Variants in FMN2 observed in about 807,000 individuals in gnomAD.
FMN2 encodes formin-2.
In FMN2, 51 loss-of-function variants were observed where a neutral mutation model predicts 142.3. That is an observed-to-expected ratio of 0.36 (90% confidence interval 0.29 to 0.45). The LOEUF is 0.45. Ranked by LOEUF, FMN2 falls within the 20% of genes least tolerant of loss-of-function variation. The pLI is 1.00. For missense variants in FMN2, 1,936 were observed against 2,122.8 expected (o/e 0.91, Z 1.73); for synonymous variants, 882 against 869.8 (o/e 1.01, Z -0.25).
At chr1:240,113,072 C>T (rs1226755170) in intron 1 of FMN2, among the ~76,000 whole-genome samples, 3 of 152,146 alleles carry the variant, frequency 2.0e-5, no homozygotes, top group Non-Finnish European at 4.4e-5. Flanking sequence ...TAAAATTACT[C>T]TAGGGCCAAT....
At chr1:240,337,228 T>TTTTTA (rs1671597177) in intron 13 of FMN2, among the ~76,000 whole-genome samples, 7 of 134,410 alleles carry the variant, frequency 5.2e-5, no homozygotes, top group Admixed American at 3.8e-4. Context: ...TTTTTTTTTT[T>TTTTTA]AAGACAGTCT....
intron 14 of FMN2, among the ~76,000 whole-genome samples, chr1:240,364,316 A>G (rs1572233736): frequency 6.6e-6 from 1 of 152,200 alleles, no homozygotes; most frequent in Admixed American, 6.5e-5. Context: ...GGTAGAAACC[A>G]TAAATACAGA....
At chr1:240,257,893 C>A in intron 6 of FMN2, 52 bp from the exon 7 acceptor site, 1 of 1,423,138 alleles carries the variant, frequency 7.0e-7, no homozygotes, top group Non-Finnish European at 9.9e-7. Flanking sequence ...TGCTAGTAAG[C>A]ATATTGGAGT....
At chr1:240,214,550 CAAAA>C (rs35698298) in intron 6 of FMN2, among the ~76,000 whole-genome samples, 8 of 122,198 alleles carry the variant, frequency 6.5e-5, no homozygotes, top group African/African-American at 1.2e-4. Flanking sequence ...GACTCCATCT[CAAAA>C]AAAAAAAAAA....
chr1:240,366,451 T>G (rs1672671667), intron 14 of FMN2, among the ~76,000 whole-genome samples: 1 of 152,220 alleles, frequency 6.6e-6, no homozygotes, highest in Non-Finnish European at 1.5e-5. Context: ...TGAAATTCTT[T>G]CATGTTTTTG....
chr1:240,203,316 C>T (rs1477328250), intron 4 of FMN2, among the ~76,000 whole-genome samples: 3 of 152,124 alleles, frequency 2.0e-5, no homozygotes, highest in African/African-American at 7.2e-5. Flanking sequence ...TGGATATGTA[C>T]CCAAAGGAGT....
chr1:240,298,458 C>A lies in FMN2; in HGVS notation c.4215+3575C>A, dbSNP rs549322293. ...GTATTTGGAACAGTTCTTCCCTAAA[C>A]GTCCTGTATATCAGGGGTCCTCAAC... On this transcript the variant is annotated intron_variant, in intron 8 of 17. Coordinates refer to ENST00000319653, the MANE Select transcript of FMN2 (RefSeq NM_020066.5). 2.6e-5 allele frequency among the ~76,000 whole-genome samples: 4 copies of A among 152,316 alleles called. 1 individual carries two copies. The South Asian group carries it at 8.3e-4, about 32-fold the overall frequency.
chr1:240,325,215 G>T (rs1671123588), intron 8 of FMN2, among the ~76,000 whole-genome samples: 1 of 151,796 alleles, frequency 6.6e-6, no homozygotes, highest in African/African-American at 2.4e-5. Flanking sequence ...AAACTTAGCT[G>T]GAGGGTAGTC....
At chr1:240,323,130 T>A (rs963714114) in intron 8 of FMN2, among the ~76,000 whole-genome samples, 4 of 151,002 alleles carry the variant, frequency 2.6e-5, no homozygotes, top group African/African-American at 7.3e-5. Flanking sequence ...TTTCTTTCCT[T>A]CCTTCCTTTT....
At chr1:240,397,837 A>C (rs181567187) in intron 15 of FMN2, among the ~76,000 whole-genome samples, 30 of 149,436 alleles carry the variant, frequency 2.0e-4, no homozygotes, top group Middle Eastern at 7.0e-3. Context: ...AACTGCTTTC[A>C]CAATACCATC....
At chr1:240,361,141 G>GTATA (rs202070560) in intron 14 of FMN2, among the ~76,000 whole-genome samples, 2,366 of 40,686 alleles carry the variant, frequency 0.058, 58 homozygotes, top group Non-Finnish European at 0.069. Flanking sequence ...AAATATATGT[G>GTATA]TATATATATA....
At chr1:240,275,459 T>C (rs1335495302) in intron 7 of FMN2, among the ~76,000 whole-genome samples, 1 of 152,180 alleles carries the variant, frequency 6.6e-6, no homozygotes, top group East Asian at 1.9e-4. Flanking sequence ...ATGGTGTATA[T>C]GTGCCACATT....
At chr1:240,384,790 A>G (rs973515823) in intron 14 of FMN2, among the ~76,000 whole-genome samples, 1 of 152,116 alleles carries the variant, frequency 6.6e-6, no homozygotes, top group Non-Finnish European at 1.5e-5. Flanking sequence ...TTTAATTGCT[A>G]ATTTCCTGAT....
At chr1:240,283,953 A>C (rs1002911299) in intron 7 of FMN2, among the ~76,000 whole-genome samples, 2 of 152,132 alleles carry the variant, frequency 1.3e-5, no homozygotes, top group African/African-American at 4.8e-5. Flanking sequence ...ATCCATCGGC[A>C]TTGTGCATTT....
chr1:240,183,762 A>G (rs914315581), intron 3 of FMN2, among the ~76,000 whole-genome samples: 3 of 152,082 alleles, frequency 2.0e-5, no homozygotes, highest in African/African-American at 7.2e-5. Context: ...ATTTGTGGAA[A>G]GACATGGTAT....
chr1:240,342,486 A>G (rs1671776369), intron 13 of FMN2, among the ~76,000 whole-genome samples: 1 of 152,174 alleles, frequency 6.6e-6, no homozygotes, highest in Non-Finnish European at 1.5e-5. Flanking sequence ...TAAGTATATC[A>G]TGTTGAGCAT....
rs758193214 is a variant in FMN2 at position 240,208,343 on chromosome 1, C to T, written c.3531C>T (p.Pro1177=). Residue 1177 remains proline (P), a synonymous_variant, in exon 5 of 18, where the codon CCC becomes CCT. Coordinates refer to ENST00000319653, the MANE Select transcript of FMN2 (RefSeq NM_020066.5). ...CCGGAGCGGGCATACCCCCTCCGCC[C>T]CCTCTACCTGGAGTGGGAATACCTC... The part of the protein sequence containing the change: ...PLPGAGIPPP[P]PLPGVGIPPP... 6.8e-7 allele frequency: 1 copy of T among 1,478,476 alleles called. No homozygotes were observed. Among genetic ancestry groups the T allele is most frequent in the South Asian group, 1.2e-5 (1 of 84,076 alleles). The allele number at this position is 1,478,476 out of a possible 1,614,324, so 91.6% of individuals were successfully genotyped here.
chr1:240,348,232 T>A (rs1049884207), intron 13 of FMN2, among the ~76,000 whole-genome samples: 1 of 151,560 alleles, frequency 6.6e-6, no homozygotes, highest in African/African-American at 2.4e-5. Flanking sequence ...ACTTTTTTTT[T>A]TTTTTTGGAG....
intron 16 of FMN2, among the ~76,000 whole-genome samples, chr1:240,440,671 G>A (rs1242471997): frequency 6.6e-6 from 1 of 152,136 alleles, no homozygotes; most frequent in African/African-American, 2.4e-5. Flanking sequence ...AAAGGGCTAA[G>A]GAAGAACACG....
Sources: gnomAD v4.1 joint callset for allele counts (sites outside exome capture counted in the v4.1 genomes callset) on GRCh38, gnomAD v4.1.1 for gene constraint, MANE v1.5 for transcripts, NCBI Gene and HGNC (gene_info 2026-07-23, HGNC 2026-07-21) for gene names.